NARS2: variants seen among roughly 807,000 people sequenced by gnomAD.
NARS2 encodes asparaginyl-tRNA synthetase.
In NARS2, 60 loss-of-function variants were observed where a neutral mutation model predicts 62.9. The ratio of observed to expected loss-of-function variants is 0.95; its 90% CI spans 0.77 to 1.18. The LOEUF is 1.18. Ranked by LOEUF, NARS2 falls within the 50% of genes most tolerant of loss-of-function variation. NARS2 has a pLI of 0.00. For synonymous variants in NARS2, 196 were observed against 200.0 expected, an observed-to-expected ratio of 0.98 and a Z score of 0.17; for missense variants, 619 against 576.4, an observed-to-expected ratio of 1.07 and a Z score of -0.76.
chr11:78,566,295 A>G (rs1334469266), intron 3 of NARS2, 23 bp from the exon 4 acceptor site: 17 of 1,560,498 alleles, frequency 1.1e-5, no homozygotes, highest in Non-Finnish European at 1.4e-5. Flanking sequence ...GAAAAGAACA[A>G]ATTAGAAGTC....
intron 9 of NARS2, 29 bp downstream of exon 9, chr11:78,478,409 A>G (rs1021716919): frequency 2.1e-6 from 2 of 942,284 alleles, no homozygotes; most frequent in Non-Finnish European, 3.0e-6. Context: ...GATAATGAAT[A>G]AAGTTCAAAA....
chr11:78,490,704 T>C (rs1017544490), intron 7 of NARS2, among the ~76,000 whole-genome samples: 1 of 151,454 alleles, frequency 6.6e-6, no homozygotes, highest in Non-Finnish European at 1.5e-5. Context: ...GAGGCTGCAG[T>C]GAGCTGAGAC....
intron 11 of NARS2, among the ~76,000 whole-genome samples, chr11:78,447,294 T>C (rs552436158): frequency 2.6e-5 from 4 of 152,088 alleles, no homozygotes; most frequent in Admixed American, 1.3e-4. Flanking sequence ...GCTGGGATTA[T>C]AGGTACATGC....
chr11:78,555,083 C>T (rs1221422164), intron 5 of NARS2: 1 of 152,194 alleles, frequency 6.6e-6, no homozygotes, highest in Non-Finnish European at 1.5e-5. Flanking sequence ...GCAATGAAGC[C>T]TACTTCATGG....
chr11:78,548,885 C>A (rs1443759462), intron 5 of NARS2, among the ~76,000 whole-genome samples: 4 of 152,186 alleles, frequency 2.6e-5, no homozygotes, highest in Non-Finnish European at 5.9e-5. Context: ...TCAAAAAAAT[C>A]TACTAAAGCT....
At chr11:78,519,432 GGAA>G (rs1051379868) in intron 6 of NARS2, among the ~76,000 whole-genome samples, 9 of 152,116 alleles carry the variant, frequency 5.9e-5, no homozygotes, top group African/African-American at 1.9e-4. Context: ...ATAAACTTGA[GGAA>G]GAAAATAAAA....
chr11:78,497,284 C>T (rs1216173522), intron 6 of NARS2, among the ~76,000 whole-genome samples: 5 of 149,064 alleles, frequency 3.4e-5, no homozygotes, highest in Non-Finnish European at 7.4e-5. Flanking sequence ...TTCACTTTCT[C>T]CCGTGTATGG....
In NARS2 at chr11:78,443,654, C is replaced by T; in HGVS notation, c.1262+7G>A. The T allele has an allele frequency of 6.2e-7, 1 of 1,601,820 alleles. No homozygotes were observed. Among genetic ancestry groups the T allele is most frequent in the Non-Finnish European group, 8.6e-7 (1 of 1,169,078 alleles). ...TCAATTGTGTTTCTTTTAGGTCTGA[C>T]CAGTACCTGGCTAAGCGCTCCTCTA... On this transcript the variant is annotated splice_region_variant and intron_variant, in intron 12 of 13. Transcript: ENST00000281038.
intron 6 of NARS2, among the ~76,000 whole-genome samples, chr11:78,503,226 TAAAAAGTA>T (rs1243654041): frequency 6.6e-6 from 1 of 152,036 alleles, no homozygotes; most frequent in Non-Finnish European, 1.5e-5. Flanking sequence ...TGTGCACTCT[TAAAAAGTA>T]AAAAGTTCAG....
intron 11 of NARS2, among the ~76,000 whole-genome samples, chr11:78,463,922 A>G (rs1276286346): frequency 6.6e-6 from 1 of 152,152 alleles, no homozygotes; most frequent in Non-Finnish European, 1.5e-5. Context: ...CTGCTCTGCC[A>G]AGCCAGCTTT....
At chr11:78,560,790 A>C (rs1196128941) in intron 4 of NARS2, among the ~76,000 whole-genome samples, 1 of 152,242 alleles carries the variant, frequency 6.6e-6, no homozygotes, top group Non-Finnish European at 1.5e-5. Context: ...ACATGCCCAG[A>C]GGTGCTGCAC....
intron 6 of NARS2, among the ~76,000 whole-genome samples, chr11:78,509,678 A>G (rs1277847690): frequency 6.6e-6 from 1 of 152,102 alleles, no homozygotes; most frequent in Non-Finnish European, 1.5e-5. Flanking sequence ...ATAAAGATGT[A>G]ATTTTGTGAT....
At chr11:78,478,158 T>A (rs1212413485) in intron 9 of NARS2, among the ~76,000 whole-genome samples, 1 of 151,626 alleles carries the variant, frequency 6.6e-6, no homozygotes, top group Non-Finnish European at 1.5e-5. Flanking sequence ...TATAGTTACA[T>A]AGTTAATAGT....
intron 1 of NARS2, chr11:78,571,696 G>A (rs1856930108): frequency 2.7e-6 from 1 of 364,846 alleles, no homozygotes; most frequent in Admixed American, 4.0e-5. Flanking sequence ...ATTCCTTCAT[G>A]TTGATGAGCC....
At chr11:78,464,917 T>A (rs1858552714) in intron 11 of NARS2, among the ~76,000 whole-genome samples, 1 of 152,236 alleles carries the variant, frequency 6.6e-6, no homozygotes, top group Admixed American at 6.5e-5. Flanking sequence ...ACCCAGTGGA[T>A]CCCACACTGG....
At chr11:78,517,900 C>A (rs1296622317) in intron 6 of NARS2, among the ~76,000 whole-genome samples, 2 of 151,978 alleles carry the variant, frequency 1.3e-5, no homozygotes, top group Non-Finnish European at 2.9e-5. Context: ...ATTAATACAC[C>A]CTTTAAAGAA....
At chr11:78,501,981 T>C (rs893623273) in intron 6 of NARS2, among the ~76,000 whole-genome samples, 2 of 152,180 alleles carry the variant, frequency 1.3e-5, no homozygotes, top group African/African-American at 2.4e-5. Flanking sequence ...ATTCATACAA[T>C]GGAATAATTT....
intron 6 of NARS2, among the ~76,000 whole-genome samples, chr11:78,512,479 C>T (rs1300033351): frequency 1.3e-5 from 2 of 152,208 alleles, no homozygotes; most frequent in Admixed American, 6.5e-5. Flanking sequence ...GGAGTAAACA[C>T]TGGGCTTTAC....
At chr11:78,493,729 G>A (rs551241383) in intron 6 of NARS2, among the ~76,000 whole-genome samples, 2 of 151,474 alleles carry the variant, frequency 1.3e-5, no homozygotes, top group East Asian at 3.9e-4. Context: ...TTATCCTGAA[G>A]GAATCTGCAA....
Sources: allele counts gnomAD v4.1 joint callset (sites outside exome capture counted in the v4.1 genomes callset), GRCh38; gene constraint gnomAD v4.1.1; transcripts MANE v1.5; gene names NCBI Gene and HGNC (gene_info 2026-07-23, HGNC 2026-07-21).